The following GAS2 variants were observed in gnomAD, a reference collection of about 807,000 sequenced individuals.
The protein encoded by GAS2 is growth arrest-specific protein 2.
A neutral mutation model predicts 37.5 loss-of-function variants in GAS2; 20 were observed. The ratio of observed to expected loss-of-function variants is 0.53; its 90% CI spans 0.37 to 0.77. GAS2 has a LOEUF of 0.77. GAS2 is among the 30% of genes least tolerant of loss of function. The pLI is 0.00. For synonymous variants in GAS2, 144 were observed against 132.2 expected, an observed-to-expected ratio of 1.09 and a Z score of -0.61; for missense variants, 336 against 373.4, an observed-to-expected ratio of 0.90 and a Z score of 0.82.
chr11:22,737,192 G>A (rs1337580006), intron 4 of GAS2, among the ~76,000 whole-genome samples: 3 of 152,100 alleles, frequency 2.0e-5, no homozygotes, highest in Non-Finnish European at 4.4e-5. Context: ...GTCTCACTTT[G>A]ACATTCATCT....
At chr11:22,699,031 C>T (rs540281528) in intron 3 of GAS2, among the ~76,000 whole-genome samples, 1 of 152,080 alleles carries the variant, frequency 6.6e-6, no homozygotes, top group African/African-American at 2.4e-5. Flanking sequence ...AAAATAAGCT[C>T]AAGCCCCCAC....
chr11:22,764,698 A>G (rs1854592468), intron 7 of GAS2, among the ~76,000 whole-genome samples: 1 of 152,202 alleles, frequency 6.6e-6, no homozygotes, highest in Admixed American at 6.5e-5. Flanking sequence ...AGTTTTCTAT[A>G]TTCTAATTTA....
chr11:22,730,701 G>C (rs1004876891), intron 4 of GAS2, among the ~76,000 whole-genome samples: 1 of 151,654 alleles, frequency 6.6e-6, no homozygotes, highest in Admixed American at 6.6e-5. Context: ...TAGTTGATCA[G>C]TCTATAAACA....
At chr11:22,690,986 A>T (rs1850220558) in intron 3 of GAS2, among the ~76,000 whole-genome samples, 1 of 151,736 alleles carries the variant, frequency 6.6e-6, no homozygotes, top group Non-Finnish European at 1.5e-5. Flanking sequence ...TTTTCTACTA[A>T]CTTTCCTTTG....
chr11:22,792,607 G>A (rs1429179969), intron 7 of GAS2, among the ~76,000 whole-genome samples: 1 of 152,176 alleles, frequency 6.6e-6, no homozygotes, highest in Non-Finnish European at 1.5e-5. Flanking sequence ...AATTTCAGCA[G>A]GCAGTTTGTA....
chr11:22,751,169 G>A, intron 6 of GAS2, among the ~76,000 whole-genome samples: 1 of 151,860 alleles, frequency 6.6e-6, no homozygotes, highest in East Asian at 1.9e-4. Flanking sequence ...CCATGTTCTG[G>A]CCTACTGTGT....
intron 1 of GAS2, among the ~76,000 whole-genome samples, chr11:22,647,314 G>A (rs917866518): frequency 6.6e-6 from 1 of 152,004 alleles, no homozygotes; most frequent in Non-Finnish European, 1.5e-5. Context: ...TCTTAATCCA[G>A]TCTATCATTG....
At chr11:22,650,092 G>T (rs61889402) in intron 1 of GAS2, among the ~76,000 whole-genome samples, 3 of 150,914 alleles carry the variant, frequency 2.0e-5, no homozygotes, top group African/African-American at 4.9e-5. Flanking sequence ...GCTTTGAATG[G>T]GTCCCAGAGA....
At chr11:22,720,922 A>G (rs337442) in intron 3 of GAS2, among the ~76,000 whole-genome samples, 28,204 of 151,904 alleles carry the variant, frequency 0.19, 2,810 homozygotes, top group East Asian at 0.37. Context: ...ATTTGTTTTA[A>G]TGCTGCCTGG....
At chr11:22,699,984 A>G (rs772692943) in intron 3 of GAS2, among the ~76,000 whole-genome samples, 1 of 152,180 alleles carries the variant, frequency 6.6e-6, no homozygotes, top group African/African-American at 2.4e-5. Context: ...TTACCTAAGA[A>G]GGGAAAAGGA....
In GAS2 at chr11:22,749,189, CCCTTCTCCTTCA is replaced by C. The variant is rs1565125004; in HGVS notation, c.556_567del (p.Pro186_Ser189del). ...TTGAACAAGAAGAAACACTTTCTGC[CCCTTCTCCTTCA>C]CCTTCTCCTTCATCAAAGTCTTCTG... On this transcript the variant is annotated inframe_deletion, in exon 6 of 8. Transcript: ENST00000454584. 3.7e-6 allele frequency: 6 copies of C among 1,612,298 alleles called. No individual in the cohort carries two copies. The South Asian group carries it at 5.5e-5, about 15-fold the overall frequency.
chr11:22,728,776 T>C (rs1314877799), intron 4 of GAS2, among the ~76,000 whole-genome samples: 2 of 151,674 alleles, frequency 1.3e-5, no homozygotes, highest in African/African-American at 4.8e-5. Context: ...TTAGGATTAG[T>C]CAGAGAAAGG....
intron 1 of GAS2, among the ~76,000 whole-genome samples, chr11:22,642,522 AT>A (rs1848642123): frequency 6.6e-6 from 1 of 152,134 alleles, no homozygotes; most frequent in African/African-American, 2.4e-5. Flanking sequence ...GACTACTGTC[AT>A]TCCTCACACT....
intron 4 of GAS2, among the ~76,000 whole-genome samples, chr11:22,729,634 C>T (rs749809052): frequency 6.6e-6 from 1 of 151,410 alleles, no homozygotes. Flanking sequence ...AGATGAAGAA[C>T]CTATTTGCAA....
At chr11:22,641,985 A>G (rs969405633) in intron 1 of GAS2, among the ~76,000 whole-genome samples, 1 of 152,220 alleles carries the variant, frequency 6.6e-6, no homozygotes, top group Non-Finnish European at 1.5e-5. Context: ...CATTTCTTAC[A>G]GTGTGGGAAA....
At position 22,780,010 on chromosome 11, in the gene GAS2, C is replaced by T. The variant is rs1049834430; in HGVS notation, c.723+24057C>T. Among the ~76,000 whole-genome samples, 4 of 152,312 alleles carry T rather than the reference C, an allele frequency of 2.6e-5. No individual in the cohort carries two copies. In the East Asian group the frequency reaches 7.7e-4, roughly 29 times the overall value. On this transcript the variant is annotated intron_variant, in intron 7 of 7. Transcript: ENST00000454584. ...TTACGCTTTTGACCTTAAGAGTTGACTCGGAGTTGATTGTTGCTCTCTTCC... is the reference window on the plus strand; with the variant it reads ...TTACGCTTTTGACCTTAAGAGTTGATTCGGAGTTGATTGTTGCTCTCTTCC...
chr11:22,643,036 T>C (rs1848648504), intron 1 of GAS2, among the ~76,000 whole-genome samples: 1 of 152,136 alleles, frequency 6.6e-6, no homozygotes, highest in African/African-American at 2.4e-5. Context: ...CTCCATTTTA[T>C]CTCTTTGGTT....
chr11:22,688,117 T>G (rs1258107402), intron 3 of GAS2, among the ~76,000 whole-genome samples: 1 of 152,218 alleles, frequency 6.6e-6, no homozygotes, highest in Admixed American at 6.5e-5. Context: ...GCTTTGACAT[T>G]AAGTGCATTT....
intron 3 of GAS2, among the ~76,000 whole-genome samples, chr11:22,721,672 A>G (rs1444508402): frequency 6.6e-6 from 1 of 152,130 alleles, no homozygotes; most frequent in East Asian, 1.9e-4. Context: ...ACTATTCAAT[A>G]GCCACATGTG....
Sources: gnomAD v4.1 joint callset for allele counts (sites outside exome capture counted in the v4.1 genomes callset) on GRCh38, gnomAD v4.1.1 for gene constraint, MANE v1.5 for transcripts, NCBI Gene and HGNC (gene_info 2026-07-23, HGNC 2026-07-21) for gene names.